TBX3: variants seen among roughly 807,000 people sequenced by gnomAD.
TBX3 encodes T-box transcription factor TBX3.
In TBX3, 11 loss-of-function variants were observed where a neutral mutation model predicts 47.8. That is an observed-to-expected ratio of 0.23 (90% CI 0.14 to 0.38). The LOEUF (loss-of-function observed/expected upper bound fraction) is 0.38, where lower values mean the gene tolerates loss of function less well. Among genes scored for constraint, TBX3 ranks in the 10% least tolerant of loss-of-function variants. The pLI is 1.00. For missense variants in TBX3, 927 were observed against 1,022.8 expected (o/e 0.91, Z 1.28); for synonymous variants, 500 against 449.3 (o/e 1.11, Z -1.43).
In TBX3 at chr12:114,683,263, T is replaced by G. The variant is rs1413369094; in HGVS notation, c.-63A>C. ...AGTCCGCAGCTGCTGTGTTTTGTTG[T>G]TTTTTTGTTGTTGTTTAACAGCAGC... On this transcript the variant is annotated 5_prime_UTR_variant, in exon 1 of 7. Coordinates refer to ENST00000349155, the MANE Select transcript of TBX3 (RefSeq NM_005996.4). This position sits in a 1 kb window ranked among gnomAD's most constrained non-coding sequence, Gnocchi z 7.7. 1.9e-6 allele frequency: 3 copies of G among 1,584,456 alleles called. No individual in the cohort carries two copies. Among genetic ancestry groups the G allele is most frequent in the African/African-American group, 2.7e-5 (2 of 73,934 alleles).
At chr12:114,681,272 C>A in intron 1 of TBX3, 126 bp from the exon 2 acceptor site, 1 of 1,355,260 alleles carries the variant, frequency 7.4e-7, no homozygotes, top group Non-Finnish European at 1.0e-6. Context: ...GATAAGCTTA[C>A]ATGTTTCAGA....
intron 1 of TBX3, 95 bp from the exon 2 acceptor site, chr12:114,681,241 C>CTT: frequency 6.6e-7 from 1 of 1,522,470 alleles, no homozygotes; most frequent in East Asian, 2.2e-5. Flanking sequence ...GAAACCAAGT[C>CTT]TAAGACTTTA....
Position 114,671,094 on chromosome 12 carries a change from C to T in TBX3, c.*747G>A, listed in dbSNP as rs3741695. Reference sequence around the variant, plus strand: ...TGCCCACTCCTTCCCTTTAAATCCCCCCCTCCCTTGGGTCACTGATTTGAG... The same window carrying T: ...TGCCCACTCCTTCCCTTTAAATCCCTCCCTCCCTTGGGTCACTGATTTGAG... On this transcript the variant is annotated 3_prime_UTR_variant, in exon 7 of 7. Coordinates refer to ENST00000349155, the MANE Select transcript of TBX3 (RefSeq NM_005996.4). 11,870 of 210,176 alleles carry T rather than the reference C, an allele frequency of 0.056. 445 individuals carry two copies. Among genetic ancestry groups the T allele is most frequent in the South Asian group, 0.12 (616 of 5,322 alleles). The allele number at this position is 210,176 out of a possible 1,614,324, so 13.0% of individuals were successfully genotyped here.
In TBX3 at chr12:114,674,741, G is replaced by A. The variant is rs1330647016; in HGVS notation, c.1134C>T (p.Thr378=). 2 of 1,596,260 alleles carry A rather than the reference G, an allele frequency of 1.3e-6. No individual in the cohort carries two copies. The highest frequency in any genetic ancestry group is 2.7e-5 in the African/African-American group (2 of 74,836). Residue 378 remains threonine (T), a synonymous_variant, in exon 6 of 7, where the codon ACC becomes ACT. Coordinates refer to ENST00000349155, the MANE Select transcript of TBX3 (RefSeq NM_005996.4). The stretch of plus-strand genomic sequence containing the variant: ...TGTCACGGCAGGGCTCCTCCGACGT[G>A]GTGGTGGAGATCTTGGCCGCGTCGC... ...EACDAAKIST[T]TSEEPCRDKG...
chr12:114,681,124 C>G lies in TBX3; in HGVS notation c.412G>C (p.Val138Leu). The G allele has an allele frequency of 1.2e-6, 2 of 1,613,886 alleles. No individual in the cohort carries two copies. The highest frequency in any genetic ancestry group is 1.7e-6 in the Non-Finnish European group (2 of 1,179,996). Residue 138 changes from valine to leucine, a missense_variant, in exon 2 of 7, where the codon GTG (valine) becomes CTG (leucine). Val to Leu is a conservative substitution (Grantham distance 32, BLOSUM62 1). Transcript: ENST00000349155. ...TTTTTATCCAGCCCAGAACATCTCA[C>G]TTTAAATGGAGGAAACATTCGCCTA... ...SGRRMFPPFK[V>L]RCSGLDKKAK...
In TBX3 at chr12:114,671,534, G is replaced by A; in HGVS notation, c.*307C>T. The A allele has an allele frequency of 4.0e-6, 2 of 500,758 alleles. No homozygotes were observed. Among genetic ancestry groups the A allele is most frequent in the Admixed American group, 3.3e-5 (1 of 30,144 alleles). 31.0% of individuals were successfully genotyped at this position (500,758 alleles called of 1,614,324 possible). On this transcript the variant is annotated 3_prime_UTR_variant, in exon 7 of 7. Coordinates refer to ENST00000349155, the MANE Select transcript of TBX3 (RefSeq NM_005996.4). ...TGAACACCTCCCCGCCTGGTGGGCA[G>A]AGACCCAGACCAGCCTTGCTGGAAG...
chr12:114,682,358 G>A (rs375754562), intron 1 of TBX3, among the ~76,000 whole-genome samples: 1 of 152,202 alleles, frequency 6.6e-6, no homozygotes. Context: ...AGGGCAGAAA[G>A]GGCCGGGGAA....
chr12:114,683,095 G>A lies in TBX3; in HGVS notation c.106C>T (p.His36Tyr), dbSNP rs1565862685. The change falls in exon 1 of 7, where the codon CAC becomes TAC. Residue 36 changes from histidine (H) to tyrosine (Y), a missense_variant. Transcript: ENST00000349155. The surrounding 1 kb of genome is among the most constrained non-coding windows in gnomAD (Gnocchi z 7.7). ...PDFAMSAVLG[H>Y]QPPFFPALTL... is the part of the protein sequence containing the mutation. ...AGCGCGGGGAAGAACGGCGGCTGGTGACCCAGCACCGCGCTCATGGCGAAG... is the reference window on the plus strand; with the variant it reads ...AGCGCGGGGAAGAACGGCGGCTGGTAACCCAGCACCGCGCTCATGGCGAAG... The A allele has an allele frequency of 6.2e-7, 1 of 1,611,408 alleles. No individual in the cohort carries two copies. The highest frequency in any genetic ancestry group is 8.5e-7 in the Non-Finnish European group (1 of 1,178,748).
intron 6 of TBX3, among the ~76,000 whole-genome samples, 197 bp downstream of exon 6, chr12:114,673,968 T>A (rs898125538): frequency 5.3e-5 from 8 of 152,166 alleles, no homozygotes; most frequent in African/African-American, 1.7e-4. Flanking sequence ...TTCGGAAAAA[T>A]TTTAAAGATT....
At chr12:114,681,552 T>C (rs2121154801) in intron 1 of TBX3, among the ~76,000 whole-genome samples, 1 of 152,314 alleles carries the variant, frequency 6.6e-6, no homozygotes, top group African/African-American at 2.4e-5. Flanking sequence ...CGCGGTCAGT[T>C]AAGACTAGAA....
intron 6 of TBX3, among the ~76,000 whole-genome samples, chr12:114,672,949 G>A (rs747813048): frequency 7.2e-5 from 11 of 152,184 alleles, no homozygotes; most frequent in Admixed American, 3.3e-4. Context: ...CAAAGAAATC[G>A]TCCAGCATGA....
rs1869065017 is a variant in TBX3 at position 114,683,807 on chromosome 12, G to A, written c.-607C>T. The A allele has an allele frequency of 8.8e-6, 2 of 226,676 alleles. No homozygotes were observed. The highest frequency in any genetic ancestry group is 2.3e-5 in the African/African-American group (1 of 44,160). The allele number at this position is 226,676 out of a possible 1,614,324, so 14.0% of individuals were successfully genotyped here. ...CTCTCCTTTAAAAAAAAAAAAATCT[G>A]ATTTAAACCCCCTTCTACCAGCGCT... On this transcript the variant is annotated 5_prime_UTR_variant, in exon 1 of 7. Coordinates refer to ENST00000349155, the MANE Select transcript of TBX3 (RefSeq NM_005996.4). This position sits in a 1 kb window ranked among gnomAD's most constrained non-coding sequence, Gnocchi z 7.7.
In TBX3 at chr12:114,671,406, GT is replaced by G. The variant is rs1868415367; in HGVS notation, c.*434del. 5.1e-5 allele frequency: 15 copies of G among 295,486 alleles called. No individual in the cohort carries two copies. In the South Asian group the frequency reaches 1.1e-3, roughly 22 times the overall value. 18.3% of individuals were successfully genotyped at this position (295,486 alleles called of 1,614,324 possible). On this transcript the variant is annotated 3_prime_UTR_variant, in exon 7 of 7. Transcript: ENST00000349155. ...TGCACAAACAGAATCATGTTAATGT[GT>G]TCACTTGTCCCGATTTTTTTTTTGA...
Position 114,677,784 on chromosome 12 carries a change from G to T in TBX3, c.805-128C>A, listed in dbSNP as rs1057041305. The T allele has an allele frequency of 3.5e-5, 29 of 837,226 alleles. No individual in the cohort carries two copies. The South Asian group carries it at 4.0e-4, about 12-fold the overall frequency. 51.9% of individuals were successfully genotyped at this position (837,226 alleles called of 1,614,324 possible). ...ACAGAAGTCATATAGATATGCCAGG[G>T]AAAGGAGATAATAAGGAAACTGTGG... On this transcript the variant is annotated intron_variant, in intron 3 of 6. Transcript: ENST00000349155.
At chr12:114,680,103 T>C (rs1868863535) in intron 2 of TBX3, 2 of 912,356 alleles carry the variant, frequency 2.2e-6, no homozygotes, top group Non-Finnish European at 3.5e-6. Flanking sequence ...ATTTATGCCT[T>C]AATCAAATCA....
In TBX3 at chr12:114,680,228, G is replaced by T; in HGVS notation, c.658-577C>A. 3 of 521,282 alleles carry T rather than the reference G, an allele frequency of 5.8e-6. No homozygotes were observed. The South Asian group carries it at 6.6e-5, about 11-fold the overall frequency. 32.3% of individuals were successfully genotyped at this position (521,282 alleles called of 1,614,324 possible). On this transcript the variant is annotated intron_variant, in intron 2 of 6. Coordinates refer to ENST00000349155, the MANE Select transcript of TBX3 (RefSeq NM_005996.4). ...ATCACGCTGTTTATTTTATTGAAAT[G>T]TTGGGGAGGGGTAGGAAAAGGCGCA...
chr12:114,680,031 G>T, intron 2 of TBX3: 2 of 1,572,820 alleles, frequency 1.3e-6, no homozygotes, highest in Admixed American at 3.4e-5. Context: ...TACTTTAAGC[G>T]CCCACTAATT....
intron 6 of TBX3, 97 bp downstream of exon 6, chr12:114,674,068 C>T: frequency 6.8e-7 from 1 of 1,470,542 alleles, no homozygotes; most frequent in South Asian, 1.3e-5. Flanking sequence ...ATTACAGCTA[C>T]TAGGCCAAAG....
In TBX3 at chr12:114,674,549, T is replaced by C; in HGVS notation, c.1326A>G (p.Thr442=). 6.4e-7 allele frequency: 1 copy of C among 1,553,578 alleles called. No individual in the cohort carries two copies. The highest frequency in any genetic ancestry group is 8.7e-7 in the Non-Finnish European group (1 of 1,153,732). Residue 442 remains threonine (T), a synonymous_variant, in exon 6 of 7, where the codon ACA becomes ACG. Coordinates refer to ENST00000349155, the MANE Select transcript of TBX3 (RefSeq NM_005996.4). The part of the protein sequence containing the change: ...EERRSPVREG[T]APAKVEEARA... ...GCGCCTCTTCCACCTTGGCCGGCGC[T>C]GTGCCCTCGCGAACCGGGCTCCTGC... is the stretch of plus-strand genomic sequence containing the variant.
Sources: gnomAD v4.1 joint callset for allele counts (sites outside exome capture counted in the v4.1 genomes callset) on GRCh38, gnomAD v4.1.1 for gene constraint, Gnocchi (gnomAD v3.1) non-coding constraint, MANE v1.5 for transcripts, NCBI Gene and HGNC (gene_info 2026-07-23, HGNC 2026-07-21) for gene names.